The following MID1 variants were observed in gnomAD, a reference collection of about 807,000 sequenced individuals.
The protein encoded by MID1 is E3 ubiquitin-protein ligase Midline-1.
Under a neutral mutation model 40.4 loss-of-function variants are expected in MID1, and 7 were observed. The ratio of observed to expected loss-of-function variants is 0.17; its 90% CI spans 0.10 to 0.33. The LOEUF is 0.33. Among genes scored for constraint, MID1 ranks in the 10% least tolerant of loss-of-function variants. The pLI, the probability that MID1 is intolerant of heterozygous loss-of-function variation, is 1.00. For missense variants in MID1, 367 were observed against 558.5 expected (o/e 0.66, Z 3.46); for synonymous variants, 229 against 221.2 (o/e 1.04, Z -0.31).
At chrX:10,586,541 T>C in intron 1 of MID1, among the ~76,000 whole-genome samples, 1 of 112,210 alleles carries the variant, frequency 8.9e-6, no homozygotes, top group East Asian at 2.8e-4. Context: ...GTGGCGGGGT[T>C]TAGAGTGTTG....
chrX:10,715,907 C>A (rs1289980541), intron 1 of MID1, among the ~76,000 whole-genome samples: 2 of 111,588 alleles, frequency 1.8e-5, no homozygotes, highest in East Asian at 5.6e-4. Context: ...TGTTCTGCAG[C>A]CTCTGCTGCT....
At chrX:10,676,006 T>C (rs1258945985) in intron 1 of MID1, among the ~76,000 whole-genome samples, 2 of 112,081 alleles carry the variant, frequency 1.8e-5, no homozygotes, top group African/African-American at 3.2e-5. Context: ...ACTACTTGGA[T>C]TTTTAACAGT....
intron 1 of MID1, among the ~76,000 whole-genome samples, chrX:10,694,116 T>C (rs1225990771): frequency 2.7e-5 from 3 of 112,154 alleles, no homozygotes; most frequent in Non-Finnish European, 5.6e-5. Context: ...GATTCTTTCT[T>C]TGGGGCAGCC....
chrX:10,833,471 C>T (rs754615759), intron 1 of MID1: 16 of 112,517 alleles, frequency 1.4e-4, no homozygotes, highest in Non-Finnish European at 2.6e-4. Flanking sequence ...GGCTGAGCAA[C>T]GCCTCTTACT....
At chrX:10,679,444 C>G (rs1241386188) in intron 1 of MID1, among the ~76,000 whole-genome samples, 1 of 111,896 alleles carries the variant, frequency 8.9e-6, no homozygotes, top group Non-Finnish European at 1.9e-5. Context: ...CCTCTTATGT[C>G]AGGAGTGGGC....
intron 1 of MID1, among the ~76,000 whole-genome samples, chrX:10,601,928 G>A (rs1352347420): frequency 5.8e-5 from 6 of 103,813 alleles, no homozygotes; most frequent in Non-Finnish European, 1.2e-4. Flanking sequence ...ACAGAGTCTC[G>A]CTCTGTCGCC....
chrX:10,659,045 G>C (rs1282129935), intron 1 of MID1, among the ~76,000 whole-genome samples: 2 of 109,382 alleles, frequency 1.8e-5, no homozygotes, highest in East Asian at 5.6e-4. Flanking sequence ...GCCTGAACAA[G>C]GGTGCATCCA....
At chrX:10,827,830 C>T (rs888185550) in intron 1 of MID1, among the ~76,000 whole-genome samples, 1 of 110,932 alleles carries the variant, frequency 9.0e-6, no homozygotes, top group Non-Finnish European at 1.9e-5. Flanking sequence ...TGCAGAAAAG[C>T]ACAGATACAA....
chrX:10,497,353 G>A (rs895449684), intron 3 of MID1, among the ~76,000 whole-genome samples: 1 of 111,920 alleles, frequency 8.9e-6, no homozygotes, highest in Non-Finnish European at 1.9e-5. Flanking sequence ...GCACTTTCTT[G>A]TAAACCAGTT....
intron 7 of MID1, among the ~76,000 whole-genome samples, chrX:10,465,539 C>T (rs911372542): frequency 2.7e-5 from 3 of 110,532 alleles, no homozygotes; most frequent in African/African-American, 9.9e-5. Context: ...AATTAAGGTC[C>T]CTAATTATTT....
intron 1 of MID1, among the ~76,000 whole-genome samples, chrX:10,638,975 A>G (rs1936155129): frequency 8.9e-6 from 1 of 112,434 alleles, no homozygotes; most frequent in South Asian, 3.7e-4. Context: ...TAACAAAGAG[A>G]AAGGACATTC....
intron 4 of MID1, among the ~76,000 whole-genome samples, chrX:10,495,041 T>C (rs1054529806): frequency 9.0e-6 from 1 of 110,994 alleles, no homozygotes; most frequent in African/African-American, 3.3e-5. Flanking sequence ...CATAGAAACA[T>C]TAGAACATTA....
At chrX:10,548,950 C>A (rs1408200748) in intron 2 of MID1, among the ~76,000 whole-genome samples, 1 of 112,022 alleles carries the variant, frequency 8.9e-6, no homozygotes, top group African/African-American at 3.2e-5. Flanking sequence ...TCAACTGATT[C>A]CTTTACTGGG....
chrX:10,606,594 A>T (rs1251652643), intron 1 of MID1, among the ~76,000 whole-genome samples: 1 of 111,966 alleles, frequency 8.9e-6, no homozygotes, highest in Non-Finnish European at 1.9e-5. Context: ...CTATTTTATG[A>T]GGTATTTTAT....
chrX:10,698,023 T>C (rs1268413310), intron 1 of MID1, among the ~76,000 whole-genome samples: 2 of 112,750 alleles, frequency 1.8e-5, no homozygotes, highest in African/African-American at 6.4e-5. Context: ...TTCAAAGTAT[T>C]GATGTGGGCT....
chrX:10,778,134 GTAT>G (rs2043819452), intron 1 of MID1, among the ~76,000 whole-genome samples: 1 of 111,597 alleles, frequency 9.0e-6, no homozygotes, highest in Non-Finnish European at 1.9e-5. Flanking sequence ...TCATTATGAA[GTAT>G]TATGTACTGT....
intron 2 of MID1, among the ~76,000 whole-genome samples, chrX:10,537,961 C>CTTTATTTA (rs201370615): frequency 9.0e-6 from 1 of 110,845 alleles, no homozygotes; most frequent in Non-Finnish European, 1.9e-5. Context: ...CCCACCTTCC[C>CTTTATTTA]TTTATTTATT....
chrX:10,449,350 C>T lies in MID1; in HGVS notation c.*18G>A. ...AACCTTACTGTTCCCCAGAAAGCAG[C>T]TCCATGTGGCCAGACGCTCACGGCA... is the stretch of plus-strand genomic sequence containing the variant. On this transcript the variant is annotated 3_prime_UTR_variant, in exon 10 of 10. Transcript: ENST00000317552. 2 of 1,186,233 alleles carry T rather than the reference C, an allele frequency of 1.7e-6. No individual in the cohort carries two copies. The highest frequency in any genetic ancestry group is 2.3e-6 in the Non-Finnish European group (2 of 873,515).
chrX:10,670,390 T>C (rs1293321122), intron 1 of MID1, among the ~76,000 whole-genome samples: 1 of 111,615 alleles, frequency 9.0e-6, no homozygotes, highest in African/African-American at 3.2e-5. Flanking sequence ...TTCCATATTA[T>C]AGCTTCTACA....
Sources: allele counts gnomAD v4.1 joint callset (sites outside exome capture counted in the v4.1 genomes callset), GRCh38; gene constraint gnomAD v4.1.1; transcripts MANE v1.5; gene names NCBI Gene and HGNC (gene_info 2026-07-23, HGNC 2026-07-21).